RCHY1: variants seen among roughly 807,000 people sequenced by gnomAD.
The protein encoded by RCHY1 is ring finger and CHY zinc finger domain containing 1.
RCHY1 carries 21 observed loss-of-function variants against 41.6 expected under a neutral mutation model. That is an observed-to-expected ratio of 0.51 (90% CI 0.36 to 0.73). The LOEUF (loss-of-function observed/expected upper bound fraction) is 0.73, where lower values mean the gene tolerates loss of function less well. Ranked by LOEUF, RCHY1 falls within the 30% of genes least tolerant of loss-of-function variation. The pLI is 0.00. For missense variants in RCHY1, 265 were observed against 325.3 expected, an observed-to-expected ratio of 0.81 and a Z score of 1.43; for synonymous variants, 79 against 102.9, an observed-to-expected ratio of 0.77 and a Z score of 1.41.
chr4:75,484,799 C>T (rs961497954), intron 8 of RCHY1, among the ~76,000 whole-genome samples: 5 of 151,756 alleles, frequency 3.3e-5, no homozygotes, highest in African/African-American at 4.8e-5. Context: ...TATAATGGAA[C>T]GTCCCAAATG....
At chr4:75,508,515 TA>T (rs1220505519) in intron 3 of RCHY1, among the ~76,000 whole-genome samples, 6 of 152,096 alleles carry the variant, frequency 3.9e-5, no homozygotes, top group Non-Finnish European at 8.8e-5. Flanking sequence ...CAGTTGCCCA[TA>T]AAACACTTTA....
chr4:75,483,573 T>C (rs912618226), intron 8 of RCHY1, among the ~76,000 whole-genome samples: 1 of 152,154 alleles, frequency 6.6e-6, no homozygotes, highest in African/African-American at 2.4e-5. Flanking sequence ...TTTAAATGAA[T>C]GAACTATATA....
At chr4:75,505,829 A>G (rs1195614570) in intron 3 of RCHY1, among the ~76,000 whole-genome samples, 1 of 152,202 alleles carries the variant, frequency 6.6e-6, no homozygotes, top group Non-Finnish European at 1.5e-5. Flanking sequence ...GAGAGAAAGC[A>G]AATATACTGA....
intron 3 of RCHY1, among the ~76,000 whole-genome samples, chr4:75,498,712 G>A (rs1015595520): frequency 6.6e-6 from 1 of 152,030 alleles, no homozygotes; most frequent in Middle Eastern, 3.2e-3. Flanking sequence ...TCAATAAATG[G>A]TGCAGAAAAA....
At chr4:75,484,886 T>C (rs1721852941) in intron 8 of RCHY1, among the ~76,000 whole-genome samples, 1 of 151,158 alleles carries the variant, frequency 6.6e-6, no homozygotes, top group African/African-American at 2.4e-5. Context: ...AAAAAAAAAG[T>C]GCATTTGAAA....
chr4:75,480,892 G>A lies in RCHY1; in HGVS notation c.*1646C>T, dbSNP rs1465414349. 1 of 152,378 alleles carries A rather than the reference G, an allele frequency of 6.6e-6. No homozygotes were observed. Among genetic ancestry groups the A allele is most frequent in the Non-Finnish European group, 1.5e-5 (1 of 68,220 alleles). The allele number at this position is 152,378 out of a possible 1,614,324, so 9.4% of individuals were successfully genotyped here. ...TGTAGTCCCAGCTACTCAGGAGGCTGAGGTGGAAGGATCAGTTCAGCCCAG... is the reference window on the plus strand; with the variant it reads ...TGTAGTCCCAGCTACTCAGGAGGCTAAGGTGGAAGGATCAGTTCAGCCCAG... On this transcript the variant is annotated 3_prime_UTR_variant, in exon 9 of 9. Coordinates refer to ENST00000324439, the MANE Select transcript of RCHY1 (RefSeq NM_015436.4).
Position 75,487,634 on chromosome 4 carries a change from T to TTCATAATATATATATTCATA in RCHY1, c.657+2946_657+2947insTATGAATATATATATTATGA, listed in dbSNP as rs1185431574. Among the ~76,000 whole-genome samples, 2 of 37,212 alleles carry TTCATAATATATATATTCATA rather than the reference T, an allele frequency of 5.4e-5. 1 individual carries two copies. Among genetic ancestry groups the TTCATAATATATATATTCATA allele is most frequent in the Non-Finnish European group, 8.6e-5 (2 of 23,384 alleles). The allele number at this position is 37,212 out of a possible 152,430, so 24.4% of individuals were successfully genotyped here. ...ATTCATAATATATATATTCATAATA[T>TTCATAATATATATATTCATA]ATATATTCATATATATTCATAATAT... On this transcript the variant is annotated intron_variant, in intron 8 of 8. Coordinates refer to ENST00000324439, the MANE Select transcript of RCHY1 (RefSeq NM_015436.4).
chr4:75,504,070 T>G (rs983747219), intron 3 of RCHY1, among the ~76,000 whole-genome samples: 1 of 152,232 alleles, frequency 6.6e-6, no homozygotes, highest in Non-Finnish European at 1.5e-5. Flanking sequence ...TGTACAGAAG[T>G]AATGATAAGC....
chr4:75,486,973 C>T (rs1400481728), intron 8 of RCHY1, among the ~76,000 whole-genome samples: 3 of 151,348 alleles, frequency 2.0e-5, no homozygotes, highest in South Asian at 2.1e-4. Flanking sequence ...AGAAAGACTC[C>T]GTCTAAAAAA....
At chr4:75,496,707 C>G (rs1347201848) in intron 3 of RCHY1, among the ~76,000 whole-genome samples, 1 of 152,074 alleles carries the variant, frequency 6.6e-6, no homozygotes, top group Non-Finnish European at 1.5e-5. Flanking sequence ...AAGTAAATCC[C>G]AGAAAGTCTA....
intron 1 of RCHY1, among the ~76,000 whole-genome samples, chr4:75,513,635 C>T (rs1263882725): frequency 1.3e-5 from 2 of 152,142 alleles, no homozygotes; most frequent in African/African-American, 4.8e-5. Flanking sequence ...GAAGTTTTCT[C>T]AGAGTAACAA....
intron 1 of RCHY1, 179 bp downstream of exon 1, chr4:75,514,018 G>C: frequency 1.1e-6 from 1 of 904,594 alleles, no homozygotes; most frequent in Admixed American, 2.9e-5. Context: ...AGGTAGGAAA[G>C]GTGGGGCTTA....
In RCHY1 at chr4:75,479,174, AT is replaced by A. The variant is rs1259958740; in HGVS notation, c.*3363del. ...CACAAAAAATGGTATGAGGCAATAA[AT>A]TTATTACATTGATTTAATCATTCTA... On this transcript the variant is annotated 3_prime_UTR_variant, in exon 9 of 9. Transcript: ENST00000324439. 2.6e-5 allele frequency: 4 copies of A among 152,140 alleles called. No individual in the cohort carries two copies. Among genetic ancestry groups the A allele is most frequent in the African/African-American group, 7.2e-5 (3 of 41,438 alleles). 9.4% of individuals were successfully genotyped at this position (152,140 alleles called of 1,614,324 possible).
chr4:75,499,067 G>C (rs1457190601), intron 3 of RCHY1, among the ~76,000 whole-genome samples: 16 of 151,928 alleles, frequency 1.1e-4, no homozygotes, highest in African/African-American at 3.4e-4. Flanking sequence ...AATATATAAA[G>C]AGCTCAGACA....
chr4:75,502,782 A>G (rs962192650), intron 3 of RCHY1, among the ~76,000 whole-genome samples: 1 of 152,220 alleles, frequency 6.6e-6, no homozygotes, highest in Non-Finnish European at 1.5e-5. Flanking sequence ...AAAGCATGGT[A>G]GAAAGACCTT....
rs943204516 is a variant in RCHY1, at chr4:75,480,940, A to C, written c.*1598T>G. 6.6e-6 allele frequency: 1 copy of C among 152,326 alleles called. No homozygotes were observed. The highest frequency in any genetic ancestry group is 6.5e-5 in the Admixed American group (1 of 15,280). 9.4% of individuals were successfully genotyped at this position (152,326 alleles called of 1,614,324 possible). On this transcript the variant is annotated 3_prime_UTR_variant, in exon 9 of 9. Coordinates refer to ENST00000324439, the MANE Select transcript of RCHY1 (RefSeq NM_015436.4). ...CAGGAAGTCAAGGCTGCAGTGAGCTACGATCACTTCACTACACTCTAGCCT... is the reference window on the plus strand; with the variant it reads ...CAGGAAGTCAAGGCTGCAGTGAGCTCCGATCACTTCACTACACTCTAGCCT...
intron 8 of RCHY1, among the ~76,000 whole-genome samples, chr4:75,486,010 C>A (rs1188719111): frequency 2.0e-5 from 3 of 152,120 alleles, no homozygotes; most frequent in Admixed American, 6.6e-5. Context: ...GACCTGGGTA[C>A]ATGTTCTCAG....
At chr4:75,508,726 C>T in intron 3 of RCHY1, 94 bp downstream of exon 3, 5 of 617,644 alleles carry the variant, frequency 8.1e-6, no homozygotes, top group Non-Finnish European at 1.4e-5. Flanking sequence ...TGTATCTTAT[C>T]AGATGTAAAT....
At chr4:75,502,739 T>C (rs1723903465) in intron 3 of RCHY1, among the ~76,000 whole-genome samples, 1 of 152,152 alleles carries the variant, frequency 6.6e-6, no homozygotes, top group Non-Finnish European at 1.5e-5. Flanking sequence ...TTATCAATCA[T>C]TCCCAACTAT....
Sources: gnomAD v4.1 joint callset for allele counts (sites outside exome capture counted in the v4.1 genomes callset) on GRCh38, gnomAD v4.1.1 for gene constraint, MANE v1.5 for transcripts, NCBI Gene and HGNC (gene_info 2026-07-23, HGNC 2026-07-21) for gene names.